DLGAP1: variants seen among roughly 807,000 people sequenced by gnomAD.
DLGAP1 encodes the protein DLG associated protein 1.
Under a neutral mutation model 90.8 loss-of-function variants are expected in DLGAP1, and 11 were observed. The observed-to-expected ratio is 0.12, with a 90% CI of 0.08 to 0.20. The LOEUF is 0.20. Among genes scored for constraint, DLGAP1 ranks in the 10% least tolerant of loss-of-function variants. The pLI is 1.00. For synonymous variants in DLGAP1, 558 were observed against 540.7 expected, an observed-to-expected ratio of 1.03 and a Z score of -0.44; for missense variants, 1,050 against 1,333.8, an observed-to-expected ratio of 0.79 and a Z score of 3.31.
intron 4 of DLGAP1, among the ~76,000 whole-genome samples, chr18:3,873,756 C>G (rs575932226): frequency 5.8e-4 from 89 of 152,172 alleles, no homozygotes; most frequent in Non-Finnish European, 1.1e-3. Context: ...TTTAAGCAGA[C>G]CCCCACCCCC....
intron 2 of DLGAP1, among the ~76,000 whole-genome samples, chr18:4,012,677 T>A (rs754375481): frequency 6.6e-6 from 1 of 152,102 alleles, no homozygotes; most frequent in Non-Finnish European, 1.5e-5. Flanking sequence ...TTTTATTCTA[T>A]AAATTTTCTT....
intron 3 of DLGAP1, among the ~76,000 whole-genome samples, chr18:4,003,023 G>C (rs976568589): frequency 5.9e-5 from 9 of 152,156 alleles, no homozygotes; most frequent in South Asian, 4.1e-4. Flanking sequence ...TGATTACTAG[G>C]CTACAGGACA....
intron 7 of DLGAP1, among the ~76,000 whole-genome samples, chr18:3,671,311 A>G (rs1191409235): frequency 6.6e-6 from 1 of 151,972 alleles, no homozygotes; most frequent in African/African-American, 2.4e-5. Context: ...CTCTCTTTAC[A>G]GTACTTGTAG....
At chr18:3,995,511 C>A (rs1221858818) in intron 3 of DLGAP1, 1 of 152,106 alleles carries the variant, frequency 6.6e-6, no homozygotes, top group Non-Finnish European at 1.5e-5. Flanking sequence ...AGGGTTTGAA[C>A]AAAGCGTCTC....
intron 1 of DLGAP1, among the ~76,000 whole-genome samples, chr18:4,218,178 T>G (rs2077997919): frequency 6.6e-6 from 1 of 151,744 alleles, no homozygotes; most frequent in Admixed American, 6.6e-5. Flanking sequence ...CTGAACTGCC[T>G]TTGCTTCTTT....
chr18:4,310,629 C>T (rs574868819), intron 1 of DLGAP1, among the ~76,000 whole-genome samples: 2 of 152,256 alleles, frequency 1.3e-5, no homozygotes, highest in South Asian at 2.1e-4. Flanking sequence ...CTCCAGGCTG[C>T]GAGTTCTTTG....
Position 4,282,319 on chromosome 18 carries a change from G to A in DLGAP1, c.-266-131032C>T, listed in dbSNP as rs144793494. 3.8e-4 allele frequency among the ~76,000 whole-genome samples: 57 copies of A among 149,966 alleles called. No individual in the cohort carries two copies. The East Asian group carries it at 0.01, about 27-fold the overall frequency. ...GCGGAGCTTGCAGTGAGCCGAGATC[G>A]TGCCACTGCATTCCAACCTGGGCAA... On this transcript the variant is annotated intron_variant, in intron 1 of 12. Transcript: ENST00000315677.
At position 4,144,429 on chromosome 18, in the gene DLGAP1, T is replaced by A. The variant is rs188461804; in HGVS notation, c.-159+6751A>T. On this transcript the variant is annotated intron_variant, in intron 2 of 12. Transcript: ENST00000315677. ...ACAAAAAGTCCCACAATCACTGTGT[T>A]CTCCCTCCCCCCAGGCACACCGATT... 1.3e-3 allele frequency among the ~76,000 whole-genome samples: 203 copies of A among 152,132 alleles called. 2 individuals carry two copies. The highest frequency in any genetic ancestry group is 4.6e-3 in the African/African-American group (192 of 41,478).
chr18:3,520,123 G>A (rs1187632249), intron 10 of DLGAP1, among the ~76,000 whole-genome samples: 2 of 152,122 alleles, frequency 1.3e-5, no homozygotes, highest in African/African-American at 4.8e-5. Flanking sequence ...TTAATGTTCT[G>A]TGTCTCTTAA....
At chr18:3,904,932 T>C (rs550660856) in intron 3 of DLGAP1, among the ~76,000 whole-genome samples, 1 of 152,144 alleles carries the variant, frequency 6.6e-6, no homozygotes, top group South Asian at 2.1e-4. Context: ...GACTACTGAA[T>C]ATGCATGGCT....
intron 4 of DLGAP1, among the ~76,000 whole-genome samples, chr18:3,850,418 C>T (rs1417677501): frequency 1.3e-5 from 2 of 151,704 alleles, no homozygotes; most frequent in African/African-American, 2.4e-5. Flanking sequence ...TGTGGGATGT[C>T]GATTTAAAAT....
Position 3,685,035 on chromosome 18 carries a change from T to C in DLGAP1, c.1591+44100A>G, listed in dbSNP as rs371549454. Among the ~76,000 whole-genome samples, 12 of 152,354 alleles carry C rather than the reference T, an allele frequency of 7.9e-5. 1 individual carries two copies. Among genetic ancestry groups the C allele is most frequent in the African/African-American group, 2.9e-4 (12 of 41,584 alleles). ...TATTTATAAAGCGCTAATTTTCCCC[T>C]GTAAACATTTGGAATAAAAATATTG... is the stretch of plus-strand genomic sequence containing the variant. On this transcript the variant is annotated intron_variant, in intron 7 of 12. Transcript: ENST00000315677.
chr18:3,988,268 GA>G (rs2073883392), intron 3 of DLGAP1, among the ~76,000 whole-genome samples: 1 of 151,986 alleles, frequency 6.6e-6, no homozygotes. Flanking sequence ...TACATTTCAG[GA>G]CACTAGATGC....
chr18:3,741,264 C>T (rs1176516366), intron 6 of DLGAP1, among the ~76,000 whole-genome samples: 3 of 126,376 alleles, frequency 2.4e-5, no homozygotes, highest in Admixed American at 7.5e-5. Flanking sequence ...ACCACAATCA[C>T]CACCACCACA....
intron 10 of DLGAP1, among the ~76,000 whole-genome samples, chr18:3,529,553 A>C (rs2051857893): frequency 6.6e-6 from 1 of 152,230 alleles, no homozygotes; most frequent in Non-Finnish European, 1.5e-5. Context: ...TCAAGGACTC[A>C]AATACATATT....
At chr18:4,303,180 A>C (rs1025330090) in intron 1 of DLGAP1, among the ~76,000 whole-genome samples, 5 of 152,234 alleles carry the variant, frequency 3.3e-5, no homozygotes, top group Admixed American at 6.5e-5. Context: ...AATTAGTCTG[A>C]TATCGATAGC....
intron 7 of DLGAP1, among the ~76,000 whole-genome samples, chr18:3,595,799 T>TGGTA (rs3072903): frequency 0.57 from 87,044 of 151,736 alleles, 25,387 homozygotes; most frequent in East Asian, 0.74. Flanking sequence ...GTGACTGCCC[T>TGGTA]GTTACATCTG....
chr18:4,144,205 T>C (rs1341299526), intron 2 of DLGAP1, among the ~76,000 whole-genome samples: 1 of 152,212 alleles, frequency 6.6e-6, no homozygotes. Context: ...CCTTGTGGCC[T>C]AGACTAGCAT....
chr18:4,187,904 C>T (rs1447129723), intron 1 of DLGAP1, among the ~76,000 whole-genome samples: 3 of 151,596 alleles, frequency 2.0e-5, no homozygotes, highest in African/African-American at 4.8e-5. Flanking sequence ...GTCTGAGGCA[C>T]GAGAATTACT....
Sources: allele counts gnomAD v4.1 joint callset (sites outside exome capture counted in the v4.1 genomes callset), GRCh38; gene constraint gnomAD v4.1.1; transcripts MANE v1.5; gene names NCBI Gene and HGNC (gene_info 2026-07-23, HGNC 2026-07-21).